EML6: variants seen among roughly 807,000 people sequenced by gnomAD.
The protein encoded by EML6 is EMAP like 6.
A neutral mutation model predicts 240.1 loss-of-function variants in EML6; 154 were observed. The ratio of observed to expected loss-of-function variants is 0.64; its 90% CI spans 0.56 to 0.73. EML6 has a LOEUF of 0.73. Among genes scored for constraint, EML6 ranks in the 30% least tolerant of loss-of-function variants. The pLI is 0.00. For missense variants in EML6, 2,964 were observed against 2,474.6 expected, an observed-to-expected ratio of 1.20 and a Z score of -4.20; for synonymous variants, 1,148 against 899.0, an observed-to-expected ratio of 1.28 and a Z score of -4.95.
chr2:54,807,776 C>A (rs1250280987), intron 2 of EML6, among the ~76,000 whole-genome samples: 1 of 152,116 alleles, frequency 6.6e-6, no homozygotes, highest in Non-Finnish European at 1.5e-5. Context: ...CAATATAATA[C>A]CTAACAGTGG....
chr2:54,832,722 T>A (rs993090695), intron 7 of EML6, among the ~76,000 whole-genome samples: 1 of 142,142 alleles, frequency 7.0e-6, no homozygotes, highest in Non-Finnish European at 1.5e-5. Context: ...CAGAAGATGG[T>A]CAGGTGTCCT....
At chr2:54,857,857 A>T (rs1463736784) in intron 11 of EML6, among the ~76,000 whole-genome samples, 2 of 152,174 alleles carry the variant, frequency 1.3e-5, no homozygotes, top group African/African-American at 2.4e-5. Context: ...GTGAGCGGGG[A>T]GAGAGGGCAG....
chr2:54,815,262 G>A (rs1282007480), intron 3 of EML6, among the ~76,000 whole-genome samples: 4 of 152,192 alleles, frequency 2.6e-5, no homozygotes, highest in African/African-American at 9.7e-5. Context: ...GTACTTAACT[G>A]TCAGGTGAGA....
At chr2:54,955,415 A>T (rs931542641) in intron 32 of EML6, among the ~76,000 whole-genome samples, 2 of 152,126 alleles carry the variant, frequency 1.3e-5, no homozygotes, top group Non-Finnish European at 2.9e-5. Context: ...GGACCCCTTG[A>T]ATACTTTCAA....
Position 54,827,576 on chromosome 2 carries a change from T to C in EML6, c.536T>C (p.Leu179Pro). 6.4e-7 allele frequency: 1 copy of C among 1,551,490 alleles called. No homozygotes were observed. The highest frequency in any genetic ancestry group is 8.7e-7 in the Non-Finnish European group (1 of 1,146,898). The stretch of plus-strand genomic sequence containing the variant: ...TCACTTACATTGTAGTTTTGGACAC[T>C]GTGTGGAAATGCCCTGACTGCAAAA... ...CGVKHIKFWTLCGNALTAKRG... is the reference protein window; with the variant it reads ...CGVKHIKFWTPCGNALTAKRG... Residue 179 changes from leucine to proline, a missense_variant, in exon 6 of 42, where the codon CTG becomes CCG. Coordinates refer to ENST00000356458, the MANE Select transcript of EML6 (RefSeq NM_001039753.4).
chr2:54,728,553 G>A (rs1683013003), intron 2 of EML6, among the ~76,000 whole-genome samples: 1 of 152,294 alleles, frequency 6.6e-6, no homozygotes, highest in African/African-American at 2.4e-5. Context: ...CATTTACCGG[G>A]GGTATCTGGG....
rs538271720 is a variant in EML6 at position 54,924,462 on chromosome 2, C to G, written c.3676-3851C>G. Among the ~76,000 whole-genome samples the G allele has an allele frequency of 2.4e-4, 36 of 152,238 alleles. 1 individual carries two copies. In the South Asian group the frequency reaches 6.2e-3, roughly 26 times the overall value. On this transcript the variant is annotated intron_variant, in intron 26 of 41. Coordinates refer to ENST00000356458, the MANE Select transcript of EML6 (RefSeq NM_001039753.4). ...TTGAGTTCTGTGTATTTCTTGAGTT[C>G]TCTATTTCTTCAATCAGATTGAAGA... is the stretch of plus-strand genomic sequence containing the variant.
chr2:54,754,570 A>T (rs1206701381), intron 2 of EML6, among the ~76,000 whole-genome samples: 1 of 152,152 alleles, frequency 6.6e-6, no homozygotes, highest in African/African-American at 2.4e-5. Context: ...AGTTATTTAT[A>T]TATACTGGAT....
chr2:54,813,174 A>T, intron 2 of EML6, 58 bp from the exon 3 acceptor site: 1 of 1,240,306 alleles, frequency 8.1e-7, no homozygotes, highest in South Asian at 1.4e-5. Flanking sequence ...ATTTGGATAA[A>T]AGGTGATCAG....
intron 16 of EML6, among the ~76,000 whole-genome samples, chr2:54,874,397 G>GGC (rs575870946): frequency 1.3e-4 from 20 of 152,248 alleles, no homozygotes; most frequent in African/African-American, 4.8e-4. Flanking sequence ...TCCCATCTTG[G>GGC]GCACATAAAT....
At chr2:54,957,179 A>G (rs1289742286) in intron 32 of EML6, among the ~76,000 whole-genome samples, 1 of 152,198 alleles carries the variant, frequency 6.6e-6, no homozygotes, top group Non-Finnish European at 1.5e-5. Flanking sequence ...AAGTTGTTCT[A>G]CAAGTAAATG....
chr2:54,840,827 A>G (rs1669406245), intron 7 of EML6, among the ~76,000 whole-genome samples: 1 of 152,250 alleles, frequency 6.6e-6, no homozygotes, highest in Admixed American at 6.5e-5. Context: ...GAAGCAGACA[A>G]TAAATACAGT....
Position 54,903,585 on chromosome 2 carries a change from G to A in EML6, c.3409+83G>A. On this transcript the variant is annotated intron_variant, in intron 24 of 41. Coordinates refer to ENST00000356458, the MANE Select transcript of EML6 (RefSeq NM_001039753.4). ...TGCATTGTTTCTAGAGAGAATGGCA[G>A]TTGAGTGTTAGAAATGGGAAAGGGG... The A allele has an allele frequency of 3.1e-6, 3 of 959,108 alleles. No homozygotes were observed. The South Asian group carries it at 5.2e-5, about 17-fold the overall frequency. The allele number at this position is 959,108 out of a possible 1,614,324, so 59.4% of individuals were successfully genotyped here.
chr2:54,764,747 G>T (rs1378125708), intron 2 of EML6, among the ~76,000 whole-genome samples: 1 of 152,230 alleles, frequency 6.6e-6, no homozygotes, highest in Non-Finnish European at 1.5e-5. Flanking sequence ...ATCAAACGCA[G>T]TTTGGGGAAA....
chr2:54,847,746 TA>T, intron 9 of EML6, 123 bp downstream of exon 9: 2 of 955,574 alleles, frequency 2.1e-6, no homozygotes, highest in Non-Finnish European at 3.0e-6. Flanking sequence ...ATAGGAATAC[TA>T]TAGATCTACG....
At chr2:54,745,071 G>A (rs893967587) in intron 2 of EML6, among the ~76,000 whole-genome samples, 2 of 152,116 alleles carry the variant, frequency 1.3e-5, no homozygotes, top group Non-Finnish European at 2.9e-5. Flanking sequence ...GTCTTTACAA[G>A]AGAAGGGATG....
intron 5 of EML6, among the ~76,000 whole-genome samples, chr2:54,821,433 G>A (rs1406003698): frequency 6.6e-6 from 1 of 152,100 alleles, no homozygotes; most frequent in Non-Finnish European, 1.5e-5. Flanking sequence ...TTCTGGACAC[G>A]TCTAAAATTT....
intron 17 of EML6, among the ~76,000 whole-genome samples, chr2:54,886,157 CTT>C (rs1384875789): frequency 1.2e-4 from 14 of 115,232 alleles, no homozygotes; most frequent in Non-Finnish European, 1.7e-4. Context: ...TTTTTTTAAC[CTT>C]CTTTTTTTTT....
chr2:54,924,475 A>G (rs979780389), intron 26 of EML6, among the ~76,000 whole-genome samples: 6 of 152,196 alleles, frequency 3.9e-5, no homozygotes, highest in East Asian at 1.9e-4. Flanking sequence ...TATTTCTTCA[A>G]TCAGATTGAA....
Sources: allele counts gnomAD v4.1 joint callset (sites outside exome capture counted in the v4.1 genomes callset), GRCh38; gene constraint gnomAD v4.1.1; transcripts MANE v1.5; gene names NCBI Gene and HGNC (gene_info 2026-07-23, HGNC 2026-07-21).